The following CDH8 variants were observed in gnomAD, a reference collection of about 807,000 sequenced individuals.
CDH8 encodes the protein cadherin-8.
CDH8 carries 17 observed loss-of-function variants against 68.1 expected under a neutral mutation model. The observed-to-expected ratio is 0.25, with a 90% CI of 0.17 to 0.37. The LOEUF (loss-of-function observed/expected upper bound fraction) is 0.37, where lower values mean the gene tolerates loss of function less well. CDH8 is among the 10% of genes least tolerant of loss of function. The probability of loss-of-function intolerance (pLI) is 1.00; values close to 1 mark genes in which losing one functional copy is unlikely to be tolerated. For synonymous variants in CDH8, 372 were observed against 365.1 expected, an observed-to-expected ratio of 1.02 and a Z score of -0.21; for missense variants, 763 against 999.3, an observed-to-expected ratio of 0.76 and a Z score of 3.19.
At chr16:61,937,208 T>C (rs1964640940) in intron 2 of CDH8, among the ~76,000 whole-genome samples, 1 of 152,184 alleles carries the variant, frequency 6.6e-6, no homozygotes, top group Admixed American at 6.6e-5. Flanking sequence ...ATTAGTATAC[T>C]TATACATTTG....
At chr16:61,884,622 C>T (rs1027957281) in intron 3 of CDH8, among the ~76,000 whole-genome samples, 4 of 152,124 alleles carry the variant, frequency 2.6e-5, no homozygotes, top group African/African-American at 9.7e-5. Context: ...GATCCGCCCG[C>T]CTCAGCATCC....
intron 10 of CDH8, among the ~76,000 whole-genome samples, chr16:61,697,687 G>A (rs1209437500): frequency 6.6e-6 from 1 of 152,092 alleles, no homozygotes; most frequent in Non-Finnish European, 1.5e-5. Flanking sequence ...CTTTAATAGA[G>A]ACGGGTTGGA....
At chr16:61,895,126 T>C (rs1294509413) in intron 3 of CDH8, among the ~76,000 whole-genome samples, 3 of 152,142 alleles carry the variant, frequency 2.0e-5, no homozygotes, top group African/African-American at 7.2e-5. Flanking sequence ...CCCTTAAACT[T>C]CCTATCCAAT....
In CDH8 at chr16:61,653,018, T is replaced by C. The variant is rs947263848; in HGVS notation, c.*590A>G. ...TAAGGCTCGACACAATATTTAAAGATGCTATTCAGTCTCTAGTGAGTGGGG... is the reference window on the plus strand; with the variant it reads ...TAAGGCTCGACACAATATTTAAAGACGCTATTCAGTCTCTAGTGAGTGGGG... On this transcript the variant is annotated 3_prime_UTR_variant, in exon 12 of 12. Coordinates refer to ENST00000577390, the MANE Select transcript of CDH8 (RefSeq NM_001796.5). 31 of 1,440,808 alleles carry C rather than the reference T, an allele frequency of 2.2e-5. No individual in the cohort carries two copies. Among genetic ancestry groups the C allele is most frequent in the Non-Finnish European group, 2.6e-5 (28 of 1,097,908 alleles). 89.3% of individuals were successfully genotyped at this position (1,440,808 alleles called of 1,614,324 possible).
Position 61,692,323 on chromosome 16 carries a change from G to A in CDH8, c.1654+21518C>T, listed in dbSNP as rs114267037. The A allele has an allele frequency of 2.5e-3, 380 of 152,150 alleles. 2 individuals are homozygous for A. The highest frequency in any genetic ancestry group is 8.7e-3 in the African/African-American group (362 of 41,522). The allele number at this position is 152,150 out of a possible 1,614,324, so 9.4% of individuals were successfully genotyped here. A position where few individuals can be genotyped will look rare whatever the true frequency, so the allele number is the denominator to read the frequency against. On this transcript the variant is annotated intron_variant, in intron 10 of 11. Transcript: ENST00000577390. ...TACTTCTTTTAGTCACTCTTGCTAC[G>A]CGTCATTATTGCAGTTTGACGCATT...
chr16:61,984,693 T>C (rs1392768392), intron 2 of CDH8, among the ~76,000 whole-genome samples: 1 of 152,170 alleles, frequency 6.6e-6, no homozygotes, highest in Non-Finnish European at 1.5e-5. Context: ...GTTCTGAAAT[T>C]TAATGCAGTA....
intron 2 of CDH8, among the ~76,000 whole-genome samples, chr16:61,995,860 C>T (rs531569538): frequency 6.6e-6 from 1 of 152,300 alleles, no homozygotes; most frequent in East Asian, 1.9e-4. Flanking sequence ...CACAAGCTTA[C>T]ATCTCACCTG....
intron 7 of CDH8, among the ~76,000 whole-genome samples, chr16:61,803,580 T>A (rs554624823): frequency 7.2e-5 from 11 of 152,146 alleles, no homozygotes; most frequent in African/African-American, 2.7e-4. Context: ...CCATCTCACG[T>A]GCAGAGACAC....
rs554211700 is a variant in CDH8 at position 61,711,325 on chromosome 16, A to G, written c.1654+2516T>C. ...TTAGAAAATGCCAAATACTGAAATC[A>G]TCTCCCTTAAAGATCAAATTAAATA... is the stretch of plus-strand genomic sequence containing the variant. On this transcript the variant is annotated intron_variant, in intron 10 of 11. Coordinates refer to ENST00000577390, the MANE Select transcript of CDH8 (RefSeq NM_001796.5). Among the ~76,000 whole-genome samples the G allele has an allele frequency of 5.9e-5, 9 of 152,000 alleles. No homozygotes were observed. In the South Asian group the frequency reaches 1.4e-3, roughly 24 times the overall value.
chr16:61,868,189 C>T (rs189865660), intron 3 of CDH8, among the ~76,000 whole-genome samples: 1 of 152,230 alleles, frequency 6.6e-6, no homozygotes, highest in East Asian at 1.9e-4. Flanking sequence ...CCAAATCTGC[C>T]CTTTTAACTG....
chr16:61,740,814 A>G (rs959485564), intron 8 of CDH8, among the ~76,000 whole-genome samples: 13 of 152,230 alleles, frequency 8.5e-5, no homozygotes, highest in African/African-American at 3.1e-4. Flanking sequence ...GGGTTCTTTC[A>G]GTATTATGCT....
chr16:61,798,201 A>G (rs1961541699), intron 7 of CDH8, among the ~76,000 whole-genome samples: 1 of 152,222 alleles, frequency 6.6e-6, no homozygotes, highest in Non-Finnish European at 1.5e-5. Context: ...CAAAAATGAA[A>G]TGCAGTTTTA....
chr16:61,858,667 G>T (rs1029142129), intron 3 of CDH8, among the ~76,000 whole-genome samples: 1 of 152,100 alleles, frequency 6.6e-6, no homozygotes, highest in Non-Finnish European at 1.5e-5. Context: ...AATATCTATG[G>T]GGGGAGTGAA....
At chr16:61,962,360 TG>T (rs1225442970) in intron 2 of CDH8, among the ~76,000 whole-genome samples, 1 of 151,956 alleles carries the variant, frequency 6.6e-6, no homozygotes, top group Non-Finnish European at 1.5e-5. Flanking sequence ...ATGGAGGGTG[TG>T]GGGGAAGTGG....
At chr16:62,023,903 TTTTG>T (rs1477507983) in intron 1 of CDH8, among the ~76,000 whole-genome samples, 2 of 152,134 alleles carry the variant, frequency 1.3e-5, no homozygotes, top group Non-Finnish European at 2.9e-5. Context: ...AAGGCATAAG[TTTTG>T]TTTGTTTATT....
chr16:61,661,545 T>C (rs1401461316), intron 10 of CDH8, among the ~76,000 whole-genome samples: 1 of 151,696 alleles, frequency 6.6e-6, no homozygotes, highest in African/African-American at 2.4e-5. Context: ...GAAACAAATA[T>C]AAATAAAGAT....
At chr16:61,762,553 T>C (rs1960496642) in intron 8 of CDH8, among the ~76,000 whole-genome samples, 1 of 152,154 alleles carries the variant, frequency 6.6e-6, no homozygotes, top group Non-Finnish European at 1.5e-5. Context: ...TGGACTACAC[T>C]GCAGTATGAG....
At chr16:61,849,375 G>A (rs910668579) in intron 4 of CDH8, among the ~76,000 whole-genome samples, 1 of 151,898 alleles carries the variant, frequency 6.6e-6, no homozygotes, top group Admixed American at 6.6e-5. Flanking sequence ...CCCCACAGGT[G>A]ACAAAAACCA....
At chr16:61,849,310 C>T (rs1597016189) in intron 4 of CDH8, among the ~76,000 whole-genome samples, 1 of 151,090 alleles carries the variant, frequency 6.6e-6, no homozygotes, top group East Asian at 1.9e-4. Flanking sequence ...ATGCCCATTA[C>T]TGCATTAAAA....
Sources: gnomAD v4.1 joint callset for allele counts (sites outside exome capture counted in the v4.1 genomes callset) on GRCh38, gnomAD v4.1.1 for gene constraint, MANE v1.5 for transcripts, NCBI Gene and HGNC (gene_info 2026-07-23, HGNC 2026-07-21) for gene names.